The following NALF1 variants were observed in gnomAD, a reference collection of about 807,000 sequenced individuals.
NALF1 encodes the protein NALCN channel auxiliary factor 1.
A neutral mutation model predicts 48.4 loss-of-function variants in NALF1; 3 were observed. That is an observed-to-expected ratio of 0.06 (90% confidence interval 0.03 to 0.16). The LOEUF is 0.16. NALF1 is among the 10% of genes least tolerant of loss of function. NALF1 has a pLI of 1.00. For synonymous variants in NALF1, 262 were observed against 245.7 expected, an observed-to-expected ratio of 1.07 and a Z score of -0.62; for missense variants, 526 against 571.5, an observed-to-expected ratio of 0.92 and a Z score of 0.81.
At chr13:107,543,686 C>T (rs765765242) in intron 1 of NALF1, among the ~76,000 whole-genome samples, 15 of 151,462 alleles carry the variant, frequency 9.9e-5, no homozygotes, top group Non-Finnish European at 7.4e-5. Context: ...TATATATACG[C>T]GTATATACAC....
chr13:107,308,199 C>CTT (rs772161115), intron 1 of NALF1, among the ~76,000 whole-genome samples: 25,447 of 98,114 alleles, frequency 0.26, 5,061 homozygotes, highest in South Asian at 0.46. Context: ...TGTGTCTATG[C>CTT]TTTTTTTTTT....
chr13:107,497,367 A>T (rs1381688267), intron 1 of NALF1, among the ~76,000 whole-genome samples: 1 of 152,214 alleles, frequency 6.6e-6, no homozygotes, highest in Non-Finnish European at 1.5e-5. Flanking sequence ...AATTTCTAAT[A>T]ATGACCTAAA....
intron 1 of NALF1, among the ~76,000 whole-genome samples, chr13:107,492,839 G>A (rs984738347): frequency 1.3e-5 from 2 of 152,010 alleles, no homozygotes; most frequent in Admixed American, 1.3e-4. Context: ...GGAAAAAAAC[G>A]TACACAATTT....
intron 1 of NALF1, among the ~76,000 whole-genome samples, chr13:107,763,542 A>C (rs974437372): frequency 2.6e-5 from 4 of 151,532 alleles, no homozygotes; most frequent in African/African-American, 9.7e-5. Context: ...GAATATTTCC[A>C]CATTAAATGC....
chr13:107,376,879 C>T lies in NALF1; in HGVS notation c.916-166124G>A, dbSNP rs1487906457. On this transcript the variant is annotated intron_variant, in intron 1 of 2. Transcript: ENST00000375915. The stretch of plus-strand genomic sequence containing the variant: ...CTACACTGCAAATTTGTGCACTGAC[C>T]TCAGCCAGGCCCAGGAAACTGTCCA... Among the ~76,000 whole-genome samples, 5 of 152,178 alleles carry T rather than the reference C, an allele frequency of 3.3e-5. No individual in the cohort carries two copies. The East Asian group carries it at 9.6e-4, about 29-fold the overall frequency.
chr13:107,225,618 G>GGGGGAT (rs1397362362), intron 1 of NALF1, among the ~76,000 whole-genome samples: 13 of 152,054 alleles, frequency 8.5e-5, no homozygotes, highest in African/African-American at 2.4e-4. Flanking sequence ...ACGAAATGGT[G>GGGGGAT]GGGGATGGGG....
chr13:107,781,654 A>C (rs975562688), intron 1 of NALF1, among the ~76,000 whole-genome samples: 4 of 151,794 alleles, frequency 2.6e-5, no homozygotes, highest in Non-Finnish European at 5.9e-5. Context: ...CCAGCTTACT[A>C]GATCACATTA....
At chr13:107,434,780 T>A in intron 1 of NALF1, among the ~76,000 whole-genome samples, 1 of 152,226 alleles carries the variant, frequency 6.6e-6, no homozygotes, top group Admixed American at 6.5e-5. Flanking sequence ...GAGAATATTT[T>A]ATCTCTAAGA....
rs566902170 is a variant in NALF1 at position 107,368,218 on chromosome 13, G to A, written c.916-157463C>T. 5.7e-4 allele frequency among the ~76,000 whole-genome samples: 87 copies of A among 152,220 alleles called. 1 individual carries two copies. Among genetic ancestry groups the A allele is most frequent in the African/African-American group, 2.0e-3 (83 of 41,532 alleles). On this transcript the variant is annotated intron_variant, in intron 1 of 2. Transcript: ENST00000375915. The stretch of plus-strand genomic sequence containing the variant: ...TATGGCAGTATGACTCTAAACTGAA[G>A]TCCATAGAAAGCTCTCCACTATGTG...
intron 1 of NALF1, among the ~76,000 whole-genome samples, chr13:107,704,121 T>C (rs1881891005): frequency 6.6e-6 from 1 of 152,170 alleles, no homozygotes; most frequent in Admixed American, 6.5e-5. Context: ...GCATACAGCT[T>C]TTTAAAGAAA....
At chr13:107,512,630 G>A (rs1480008380) in intron 1 of NALF1, among the ~76,000 whole-genome samples, 1 of 152,124 alleles carries the variant, frequency 6.6e-6, no homozygotes, top group African/African-American at 2.4e-5. Context: ...AGGCAGGGAG[G>A]GGCAGCTCAG....
chr13:107,242,742 T>C (rs1017627205), intron 1 of NALF1, among the ~76,000 whole-genome samples: 3 of 152,190 alleles, frequency 2.0e-5, no homozygotes, highest in Non-Finnish European at 4.4e-5. Context: ...CGTCTCTCTT[T>C]AGGTGAGAGA....
intron 2 of NALF1, among the ~76,000 whole-genome samples, chr13:107,179,203 C>T (rs1442016741): frequency 6.6e-6 from 1 of 152,058 alleles, no homozygotes; most frequent in African/African-American, 2.4e-5. Flanking sequence ...AGATCCTGGT[C>T]ATTTACAACA....
chr13:107,563,544 G>A (rs926498655), intron 1 of NALF1, among the ~76,000 whole-genome samples: 2 of 152,194 alleles, frequency 1.3e-5, no homozygotes, highest in African/African-American at 4.8e-5. Flanking sequence ...ACTTCAAATA[G>A]TGACAGATAT....
At chr13:107,235,390 ACAGTTATCCCTTGATATACACAGGGGAT>A (rs1307367304) in intron 1 of NALF1, among the ~76,000 whole-genome samples, 1 of 152,154 alleles carries the variant, frequency 6.6e-6, no homozygotes, top group Non-Finnish European at 1.5e-5. Flanking sequence ...AATGCAATGT[ACAGTTATCCCTTGATATACACAGGGGAT>A]CAGTTTCAGG....
intron 1 of NALF1, among the ~76,000 whole-genome samples, chr13:107,416,392 T>C (rs1884089641): frequency 6.6e-6 from 1 of 151,938 alleles, no homozygotes; most frequent in Non-Finnish European, 1.5e-5. Flanking sequence ...TCTTCCCTCC[T>C]TCAGCCTGTA....
At chr13:107,414,419 A>T (rs1269017404) in intron 1 of NALF1, among the ~76,000 whole-genome samples, 2 of 151,160 alleles carry the variant, frequency 1.3e-5, no homozygotes, top group Admixed American at 6.6e-5. Context: ...TATAGTTTTC[A>T]AATGGAATTT....
At chr13:107,768,018 A>G (rs984184994) in intron 1 of NALF1, among the ~76,000 whole-genome samples, 6 of 152,142 alleles carry the variant, frequency 3.9e-5, no homozygotes, top group Admixed American at 6.6e-5. Flanking sequence ...ATGAAGGGGG[A>G]GAACAGAGCT....
chr13:107,749,690 G>A lies in NALF1; in HGVS notation c.915+115992C>T, dbSNP rs182221165. On this transcript the variant is annotated intron_variant, in intron 1 of 2. Coordinates refer to ENST00000375915, the MANE Select transcript of NALF1 (RefSeq NM_001080396.3). ...AATCTTGTTCTTTACATTTACAGAC[G>A]ATCTTAATCAGACACTAAAGTTTCA... is the stretch of plus-strand genomic sequence containing the variant. 8.0e-4 allele frequency among the ~76,000 whole-genome samples: 121 copies of A among 151,984 alleles called. 1 individual carries two copies. Among genetic ancestry groups the A allele is most frequent in the African/African-American group, 2.5e-3 (105 of 41,436 alleles).
Sources: allele counts gnomAD v4.1 joint callset (sites outside exome capture counted in the v4.1 genomes callset), GRCh38; gene constraint gnomAD v4.1.1; transcripts MANE v1.5; gene names NCBI Gene and HGNC (gene_info 2026-07-23, HGNC 2026-07-21).